Variants in PHIP observed in about 807,000 individuals in gnomAD.
PHIP encodes the protein PH-interacting protein.
Under a neutral mutation model 236.8 loss-of-function variants are expected in PHIP, and 54 were observed. The observed-to-expected ratio is 0.23, with a 90% CI of 0.18 to 0.29. The LOEUF is 0.29. PHIP is among the 10% of genes least tolerant of loss of function. The pLI, the probability that PHIP is intolerant of heterozygous loss-of-function variation, is 1.00. For synonymous variants in PHIP, 756 were observed against 718.9 expected (o/e 1.05, Z -0.83); for missense variants, 1,370 against 2,190.8 (o/e 0.63, Z 7.48).
chr6:78,967,311 TAAG>T (rs1377858308), intron 27 of PHIP, among the ~76,000 whole-genome samples: 1 of 152,194 alleles, frequency 6.6e-6, no homozygotes, highest in Non-Finnish European at 1.5e-5. Context: ...TATAGTTTAA[TAAG>T]AAGCATTCTT....
At chr6:78,956,761 C>A (rs1198686132) in intron 32 of PHIP, 2 of 152,132 alleles carry the variant, frequency 1.3e-5, no homozygotes, top group African/African-American at 4.8e-5. Context: ...TCTTAACAGA[C>A]TTCTCCTCCC....
At chr6:79,053,737 T>G (rs1772918498) in intron 6 of PHIP, among the ~76,000 whole-genome samples, 1 of 152,166 alleles carries the variant, frequency 6.6e-6, no homozygotes, top group African/African-American at 2.4e-5. Flanking sequence ...CCTACACAGA[T>G]ATGAGTATTC....
At chr6:79,071,074 C>T (rs773768779) in intron 4 of PHIP, among the ~76,000 whole-genome samples, 3 of 152,094 alleles carry the variant, frequency 2.0e-5, no homozygotes, top group Non-Finnish European at 4.4e-5. Context: ...AAGCTGCATT[C>T]GACTATGTTG....
chr6:78,982,497 T>A (rs1451647029), intron 23 of PHIP, among the ~76,000 whole-genome samples: 1 of 152,038 alleles, frequency 6.6e-6, no homozygotes, highest in Non-Finnish European at 1.5e-5. Context: ...TCACAGACTT[T>A]GTTTATTTTC....
At chr6:78,942,581 C>A (rs1052182852) in intron 39 of PHIP, among the ~76,000 whole-genome samples, 1 of 152,084 alleles carries the variant, frequency 6.6e-6, no homozygotes, top group Non-Finnish European at 1.5e-5. Flanking sequence ...TAATTCCTGA[C>A]CCCCATAGTG....
intron 22 of PHIP, 105 bp downstream of exon 22, chr6:78,985,247 A>T (rs1045137341): frequency 2.9e-6 from 2 of 690,616 alleles, no homozygotes; most frequent in Non-Finnish European, 5.2e-6. Flanking sequence ...CTCTCTGAAG[A>T]ACTTTGAACT....
At chr6:79,002,494 CA>C in intron 16 of PHIP, among the ~76,000 whole-genome samples, 1 of 152,164 alleles carries the variant, frequency 6.6e-6, no homozygotes, top group Non-Finnish European at 1.5e-5. Flanking sequence ...TTCCAAAATG[CA>C]TAATGAAATC....
At chr6:79,046,641 C>T (rs1046985814) in intron 6 of PHIP, among the ~76,000 whole-genome samples, 1 of 152,040 alleles carries the variant, frequency 6.6e-6, no homozygotes, top group African/African-American at 2.4e-5. Flanking sequence ...CTTTGGGAGG[C>T]TGAGGTGGGT....
chr6:79,001,666 T>C (rs1353351630), intron 17 of PHIP, among the ~76,000 whole-genome samples: 5 of 152,124 alleles, frequency 3.3e-5, no homozygotes, highest in African/African-American at 4.8e-5. Context: ...AACTACCTTA[T>C]TGATCCCTAG....
Position 78,982,015 on chromosome 6 carries a change from T to G in PHIP, c.2769+871A>C, listed in dbSNP as rs140497553. Among the ~76,000 whole-genome samples the G allele has an allele frequency of 6.3e-4, 96 of 152,148 alleles. 1 individual carries two copies. In the South Asian group the frequency reaches 8.1e-3, roughly 13 times the overall value. ...ACTTAAAACAGATATATTCTTATAC[T>G]TTTTGAAAGCTCTGTGGGAATAAAG... On this transcript the variant is annotated intron_variant, in intron 23 of 39. Transcript: ENST00000275034.
At chr6:79,034,108 T>C (rs1170573445) in intron 7 of PHIP, among the ~76,000 whole-genome samples, 2 of 152,154 alleles carry the variant, frequency 1.3e-5, no homozygotes, top group African/African-American at 4.8e-5. Flanking sequence ...GCTTGAAATA[T>C]TGTGAGAAGT....
intron 7 of PHIP, among the ~76,000 whole-genome samples, chr6:79,039,051 T>C (rs1460399518): frequency 3.9e-5 from 6 of 152,194 alleles, no homozygotes; most frequent in African/African-American, 1.4e-4. Context: ...TATAGATCAC[T>C]GCCAGAAACT....
intron 4 of PHIP, 98 bp from the exon 5 acceptor site, chr6:79,060,916 T>C (rs908222111): frequency 6.5e-6 from 5 of 773,972 alleles, no homozygotes; most frequent in Non-Finnish European, 1.0e-5. Flanking sequence ...GTATAAAATA[T>C]TTTGTTTTGC....
chr6:78,970,638 C>T (rs1439097879), intron 25 of PHIP, 143 bp downstream of exon 25: 1 of 574,278 alleles, frequency 1.7e-6, no homozygotes, highest in East Asian at 3.1e-5. Context: ...TTAAACACCT[C>T]CTACTCTCTA....
chr6:79,061,585 G>C (rs934497842), intron 4 of PHIP, among the ~76,000 whole-genome samples: 2 of 151,976 alleles, frequency 1.3e-5, no homozygotes, highest in Middle Eastern at 3.4e-3. Flanking sequence ...TTTTGTTTGG[G>C]AATAATTATT....
At chr6:78,985,284 G>GT (rs1768792718) in intron 22 of PHIP, 68 bp downstream of exon 22, 8 of 843,880 alleles carry the variant, frequency 9.5e-6, no homozygotes, top group Admixed American at 2.1e-5. Flanking sequence ...CGTGTTGCTG[G>GT]TTAAAAAAAA....
chr6:79,039,344 T>G (rs1772096752), intron 7 of PHIP, among the ~76,000 whole-genome samples: 2 of 152,152 alleles, frequency 1.3e-5, no homozygotes, highest in African/African-American at 4.8e-5. Flanking sequence ...TGTAATTGCC[T>G]TTCCCTAAGT....
intron 18 of PHIP, among the ~76,000 whole-genome samples, 162 bp from the exon 19 acceptor site, chr6:78,997,759 T>C (rs767383230): frequency 6.6e-6 from 1 of 152,166 alleles, no homozygotes; most frequent in African/African-American, 2.4e-5. Context: ...AAAAGTGGTT[T>C]AATGAAAACA....
chr6:78,988,763 CAT>C (rs1234451145), intron 20 of PHIP, among the ~76,000 whole-genome samples: 5 of 150,172 alleles, frequency 3.3e-5, no homozygotes, highest in Non-Finnish European at 7.4e-5. Flanking sequence ...TAATGACAGA[CAT>C]AAGGATTCAT....
Sources: gnomAD v4.1 joint callset for allele counts (sites outside exome capture counted in the v4.1 genomes callset) on GRCh38, gnomAD v4.1.1 for gene constraint, MANE v1.5 for transcripts, NCBI Gene and HGNC (gene_info 2026-07-23, HGNC 2026-07-21) for gene names.